The following RASA1 variants were observed in gnomAD, a reference collection of about 807,000 sequenced individuals.
The protein encoded by RASA1 is RAS p21 protein activator 1.
In RASA1, 25 loss-of-function variants were observed where a neutral mutation model predicts 132.2. The observed-to-expected ratio is 0.19, with a 90% CI of 0.14 to 0.26. The LOEUF is 0.26. RASA1 is among the 10% of genes least tolerant of loss of function. The pLI, the probability that RASA1 is intolerant of heterozygous loss-of-function variation, is 1.00. For missense variants in RASA1, 964 were observed against 1,299.2 expected (o/e 0.74, Z 3.97); for synonymous variants, 477 against 449.9 (o/e 1.06, Z -0.76).
intron 12 of RASA1, 69 bp downstream of exon 12, chr5:87,369,969 A>G: frequency 3.1e-6 from 4 of 1,284,528 alleles, no homozygotes; most frequent in Non-Finnish European, 3.4e-6. Flanking sequence ...TAACTGGAAT[A>G]GAAAATGATC....
intron 4 of RASA1, among the ~76,000 whole-genome samples, chr5:87,334,139 A>T (rs1054525840): frequency 1.3e-5 from 2 of 152,128 alleles, no homozygotes; most frequent in African/African-American, 4.8e-5. Flanking sequence ...TGATAGATGG[A>T]GACAGTAAAG....
chr5:87,388,610 T>C (rs1447532481), intron 23 of RASA1, among the ~76,000 whole-genome samples: 3 of 152,236 alleles, frequency 2.0e-5, no homozygotes, highest in Non-Finnish European at 4.4e-5. Context: ...ACTTTCATTA[T>C]AGTGACTAAG....
rs773083852 is a variant in RASA1, at chr5:87,379,833, T to C, written c.2586T>C (p.Ala862=). The change falls in exon 19 of 25, where the codon GCT becomes GCC. Residue 862 remains alanine (A), a synonymous_variant. Coordinates refer to ENST00000274376, the MANE Select transcript of RASA1 (RefSeq NM_002890.3). ...AGCTTGTGGAGAAAATATTCATGGC[T>C]TCAGAAATACTTCCACCGTAAGTGG... ...LSELVEKIFM[A]SEILPPTLRY... 3.1e-6 allele frequency: 5 copies of C among 1,612,556 alleles called. No homozygotes were observed. The highest frequency in any genetic ancestry group is 4.2e-6 in the Non-Finnish European group (5 of 1,179,032).
chr5:87,376,761 T>G, intron 16 of RASA1, 120 bp from the exon 17 acceptor site: 1 of 1,220,366 alleles, frequency 8.2e-7, no homozygotes, highest in Non-Finnish European at 1.2e-6. Context: ...TAAATAAATT[T>G]ATTCAATGGG....
chr5:87,363,325 A>G, intron 10 of RASA1, 23 bp from the exon 11 acceptor site: 1 of 1,578,212 alleles, frequency 6.3e-7, no homozygotes, highest in Non-Finnish European at 8.7e-7. Flanking sequence ...GGCTAAGAGA[A>G]AACAATTTTT....
intron 1 of RASA1, among the ~76,000 whole-genome samples, chr5:87,286,511 G>T (rs953402649): frequency 2.6e-5 from 4 of 151,178 alleles, no homozygotes; most frequent in African/African-American, 9.7e-5. Context: ...AACTGCAAAG[G>T]TTTAATGAAA....
At chr5:87,332,673 A>G in intron 3 of RASA1, 31 bp downstream of exon 3, 1 of 1,583,518 alleles carries the variant, frequency 6.3e-7, no homozygotes, top group Non-Finnish European at 8.7e-7. Flanking sequence ...ATCTTTCAAA[A>G]CTTTATTTTT....
At chr5:87,270,839 T>G (rs911616931) in intron 1 of RASA1, among the ~76,000 whole-genome samples, 1 of 152,078 alleles carries the variant, frequency 6.6e-6, no homozygotes, top group Non-Finnish European at 1.5e-5. Flanking sequence ...GATGTAGTAT[T>G]CCACTTTTTA....
chr5:87,330,833 G>C (rs1757548444), intron 1 of RASA1: 1 of 606,110 alleles, frequency 1.6e-6, no homozygotes, highest in Non-Finnish European at 2.5e-6. Context: ...TCAGCTTCAC[G>C]TTCAAACAGG....
chr5:87,310,742 A>T (rs1424064657), intron 1 of RASA1, among the ~76,000 whole-genome samples: 9 of 152,182 alleles, frequency 5.9e-5, no homozygotes, highest in Admixed American at 5.9e-4. Flanking sequence ...AATAATTTTC[A>T]TAATACTAAT....
In RASA1 at chr5:87,379,735, T is replaced by C; in HGVS notation, c.2488T>C (p.Leu830=). 5 of 1,611,882 alleles carry C rather than the reference T, an allele frequency of 3.1e-6. No homozygotes were observed. The highest frequency in any genetic ancestry group is 3.4e-6 in the Non-Finnish European group (4 of 1,178,694). ...TATATTGATTTATTCCTTCTTTTAG[T>C]TAAGTCCATCAAAGTTAGAAAAAAA... ...KIMESKQSCE[L]SPSKLEKNED... Residue 830 remains leucine (L), a splice_region_variant and synonymous_variant, in exon 19 of 25, where the codon TTA becomes CTA. Transcript: ENST00000274376.
intron 11 of RASA1, among the ~76,000 whole-genome samples, chr5:87,365,950 G>C (rs1393427249): frequency 2.0e-5 from 3 of 152,090 alleles, no homozygotes; most frequent in African/African-American, 7.2e-5. Flanking sequence ...TAAAATCTAA[G>C]CTGCTTCAGT....
intron 4 of RASA1, among the ~76,000 whole-genome samples, chr5:87,335,598 A>C (rs1757917057): frequency 6.7e-6 from 1 of 150,184 alleles, no homozygotes. Context: ...GCTAATTTTG[A>C]TATTTTTAGT....
chr5:87,324,715 C>T (rs11745338), intron 1 of RASA1, among the ~76,000 whole-genome samples: 1 of 151,816 alleles, frequency 6.6e-6, no homozygotes, highest in African/African-American at 2.4e-5. Context: ...CCCAAGAATA[C>T]CTAATATAAA....
At chr5:87,334,773 T>C (rs1757845501) in intron 4 of RASA1, among the ~76,000 whole-genome samples, 2 of 152,242 alleles carry the variant, frequency 1.3e-5, no homozygotes, top group Non-Finnish European at 2.9e-5. Flanking sequence ...AACCTGTGAC[T>C]ACACAACTTT....
chr5:87,299,395 C>T (rs1307790484), intron 1 of RASA1, among the ~76,000 whole-genome samples: 2 of 152,056 alleles, frequency 1.3e-5, no homozygotes, highest in Non-Finnish European at 2.9e-5. Context: ...ATTTAAGTTC[C>T]TCATGATTGT....
chr5:87,339,644 C>T (rs1319664002), intron 5 of RASA1, among the ~76,000 whole-genome samples: 1 of 151,932 alleles, frequency 6.6e-6, no homozygotes, highest in Admixed American at 6.6e-5. Context: ...ATAATAACAA[C>T]CCAAACCAGA....
chr5:87,378,346 C>T (rs763825962), intron 17 of RASA1, 50 bp from the exon 18 acceptor site: 2 of 1,596,234 alleles, frequency 1.3e-6, no homozygotes, highest in Non-Finnish European at 1.7e-6. Flanking sequence ...AATTTGGTCA[C>T]ATTAGGTCAG....
At position 87,331,184 on chromosome 5, in the gene RASA1, T is replaced by C. The variant is rs771976110; in HGVS notation, c.540-164T>C. The C allele has an allele frequency of 4.2e-6, 4 of 957,600 alleles. No homozygotes were observed. In the Admixed American group the frequency reaches 5.5e-5, roughly 13 times the overall value. The allele number at this position is 957,600 out of a possible 1,614,324, so 59.3% of individuals were successfully genotyped here. On this transcript the variant is annotated intron_variant, in intron 1 of 24. Transcript: ENST00000274376. Reference sequence around the variant, plus strand: ...CAAGTAAATGAGTATTTTTTGAGACTGAGGTTAAATTGAGTTAAAATTGGA... The same window carrying C: ...CAAGTAAATGAGTATTTTTTGAGACCGAGGTTAAATTGAGTTAAAATTGGA...
Sources: allele counts gnomAD v4.1 joint callset (sites outside exome capture counted in the v4.1 genomes callset), GRCh38; gene constraint gnomAD v4.1.1; transcripts MANE v1.5; gene names NCBI Gene and HGNC (gene_info 2026-07-23, HGNC 2026-07-21).